Variants in CDH9 observed in about 807,000 individuals in gnomAD.
CDH9 encodes the protein cadherin 9.
CDH9 carries 28 observed loss-of-function variants against 70.9 expected under a neutral mutation model. The ratio of observed to expected loss-of-function variants is 0.40; its 90% CI spans 0.29 to 0.54. The LOEUF (loss-of-function observed/expected upper bound fraction) is 0.54. Ranked by LOEUF, CDH9 falls within the 20% of genes least tolerant of loss-of-function variation. The pLI is 0.59. For missense variants in CDH9, 874 were observed against 984.4 expected, an observed-to-expected ratio of 0.89 and a Z score of 1.50; for synonymous variants, 409 against 343.1, an observed-to-expected ratio of 1.19 and a Z score of -2.12.
intron 11 of CDH9, among the ~76,000 whole-genome samples, chr5:26,883,089 ATATAT>A (rs1386927845): frequency 1.2e-3 from 157 of 129,498 alleles, no homozygotes; most frequent in African/African-American, 3.6e-3. Flanking sequence ...ATATATATAT[ATATAT>A]AAAACTGCAG....
chr5:26,881,689 A>T (rs1039939953), intron 11 of CDH9, 66 bp from the exon 12 acceptor site: 11 of 1,435,114 alleles, frequency 7.7e-6, no homozygotes, highest in Middle Eastern at 1.8e-4. Flanking sequence ...TACACTTCTG[A>T]GTGTGAAATT....
chr5:26,927,170 G>T (rs2112019358), intron 2 of CDH9, among the ~76,000 whole-genome samples: 1 of 152,068 alleles, frequency 6.6e-6, no homozygotes, highest in African/African-American at 2.4e-5. Flanking sequence ...TACTTATAAT[G>T]ATGTTGAAAA....
intron 1 of CDH9, among the ~76,000 whole-genome samples, chr5:27,003,738 C>A (rs1036408502): frequency 6.6e-6 from 1 of 151,910 alleles, no homozygotes; most frequent in Admixed American, 6.6e-5. Context: ...GAGAAAATAT[C>A]TTTGGCAACA....
At chr5:26,920,607 C>A (rs1741227451) in intron 2 of CDH9, among the ~76,000 whole-genome samples, 1 of 152,070 alleles carries the variant, frequency 6.6e-6, no homozygotes, top group Non-Finnish European at 1.5e-5. Flanking sequence ...GTGCTTGTGT[C>A]ACCCCTACCC....
chr5:26,949,346 A>T (rs9293255), intron 2 of CDH9, among the ~76,000 whole-genome samples: 19,072 of 152,194 alleles, frequency 0.13, 3,999 homozygotes, highest in African/African-American at 0.44. Context: ...ATAGCTGCTG[A>T]GTTTAAAGCC....
At chr5:27,030,284 A>G (rs1035566118) in intron 1 of CDH9, among the ~76,000 whole-genome samples, 4 of 151,966 alleles carry the variant, frequency 2.6e-5, no homozygotes, top group African/African-American at 9.7e-5. Flanking sequence ...AGCTGATCAT[A>G]AAATACATTG....
At chr5:26,935,483 A>G (rs987291440) in intron 2 of CDH9, among the ~76,000 whole-genome samples, 2 of 152,314 alleles carry the variant, frequency 1.3e-5, no homozygotes, top group South Asian at 4.1e-4. Flanking sequence ...TTCCTGTACA[A>G]AATCTCAAAG....
chr5:26,956,650 G>T (rs1348838540), intron 2 of CDH9, among the ~76,000 whole-genome samples: 2 of 152,044 alleles, frequency 1.3e-5, no homozygotes, highest in Non-Finnish European at 2.9e-5. Context: ...ACCCTCCACA[G>T]ACCCCACAGG....
intron 1 of CDH9, among the ~76,000 whole-genome samples, chr5:26,996,679 C>T (rs995491514): frequency 2.6e-5 from 4 of 151,344 alleles, no homozygotes; most frequent in African/African-American, 7.3e-5. Context: ...TATATGTGTA[C>T]ATGTATAAAT....
At chr5:26,976,792 C>G (rs1470635327) in intron 2 of CDH9, among the ~76,000 whole-genome samples, 1 of 151,988 alleles carries the variant, frequency 6.6e-6, no homozygotes. Flanking sequence ...TGGATATCAT[C>G]TTTTGTGAAT....
chr5:26,898,032 GACAA>G (rs755174027), intron 7 of CDH9, among the ~76,000 whole-genome samples: 32 of 151,998 alleles, frequency 2.1e-4, no homozygotes, highest in Non-Finnish European at 3.8e-4. Flanking sequence ...ACCAATAACA[GACAA>G]ACAGAGAGCC....
At chr5:26,988,508 T>A (rs1234645557) in intron 1 of CDH9, 126 bp from the exon 2 acceptor site, 7 of 743,062 alleles carry the variant, frequency 9.4e-6, no homozygotes, top group Non-Finnish European at 1.3e-5. Context: ...ACATTATATT[T>A]CTATATCAGT....
chr5:26,886,173 A>G (rs2111968148), intron 9 of CDH9, 90 bp from the exon 10 acceptor site: 1 of 1,382,604 alleles, frequency 7.2e-7, no homozygotes, highest in Middle Eastern at 2.1e-4. Flanking sequence ...TTTGTGCTTT[A>G]AATACATCAC....
intron 9 of CDH9, among the ~76,000 whole-genome samples, chr5:26,887,984 A>G (rs1740593647): frequency 2.0e-5 from 3 of 152,148 alleles, no homozygotes; most frequent in Middle Eastern, 3.2e-3. Context: ...CTCCAAAACT[A>G]TGAGAAATAA....
At chr5:26,953,350 T>C (rs1466587685) in intron 2 of CDH9, among the ~76,000 whole-genome samples, 1 of 152,214 alleles carries the variant, frequency 6.6e-6, no homozygotes, top group East Asian at 1.9e-4. Context: ...ACTTGTACAC[T>C]ACAATTGTAA....
chr5:26,927,840 C>T (rs1741370790), intron 2 of CDH9, among the ~76,000 whole-genome samples: 1 of 151,998 alleles, frequency 6.6e-6, no homozygotes, highest in Non-Finnish European at 1.5e-5. Context: ...CCTTGTAATT[C>T]CATGACACTG....
intron 2 of CDH9, among the ~76,000 whole-genome samples, chr5:26,970,372 C>T (rs1742197822): frequency 6.6e-6 from 1 of 151,834 alleles, no homozygotes; most frequent in Non-Finnish European, 1.5e-5. Context: ...CGTTATTTTA[C>T]AGTAAAGAAT....
intron 5 of CDH9, among the ~76,000 whole-genome samples, chr5:26,904,968 T>A (rs1383811556): frequency 6.6e-6 from 1 of 152,264 alleles, no homozygotes; most frequent in South Asian, 2.1e-4. Context: ...TATAAAGGAA[T>A]ATGAATGCAA....
chr5:26,907,375 T>C (rs1021051221), intron 3 of CDH9, among the ~76,000 whole-genome samples: 1 of 152,098 alleles, frequency 6.6e-6, no homozygotes, highest in Non-Finnish European at 1.5e-5. Context: ...TCCCAAGATA[T>C]ACCTAATTAT....
Sources: allele counts gnomAD v4.1 joint callset (sites outside exome capture counted in the v4.1 genomes callset), GRCh38; gene constraint gnomAD v4.1.1; transcripts MANE v1.5; gene names NCBI Gene and HGNC (gene_info 2026-07-23, HGNC 2026-07-21).